Variants in SMAP1 observed in about 807,000 individuals in gnomAD.
SMAP1 encodes small ArfGAP 1, also known as stromal membrane-associated protein 1.
A neutral mutation model predicts 58.5 loss-of-function variants in SMAP1; 24 were observed. The ratio of observed to expected loss-of-function variants is 0.41; its 90% CI spans 0.30 to 0.58. SMAP1 has a LOEUF of 0.58. Ranked by LOEUF, SMAP1 falls within the 20% of genes least tolerant of loss-of-function variation. SMAP1 has a pLI of 0.29. For synonymous variants in SMAP1, 216 were observed against 196.6 expected (o/e 1.10, Z -0.82); for missense variants, 563 against 566.3 (o/e 0.99, Z 0.06).
intron 2 of SMAP1, among the ~76,000 whole-genome samples, chr6:70,736,595 AG>A (rs1371340405): frequency 6.6e-6 from 1 of 152,242 alleles, no homozygotes; most frequent in Non-Finnish European, 1.5e-5. Flanking sequence ...TATTAAGATT[AG>A]TAGATGTCTT....
At chr6:70,765,969 C>A (rs951415869) in intron 3 of SMAP1, among the ~76,000 whole-genome samples, 1 of 147,928 alleles carries the variant, frequency 6.8e-6, no homozygotes, top group African/African-American at 2.5e-5. Flanking sequence ...TTGTTCAATT[C>A]CCACCTATGA....
At chr6:70,837,854 C>T (rs1386017276) in intron 7 of SMAP1, 8 of 1,261,796 alleles carry the variant, frequency 6.3e-6, no homozygotes, top group African/African-American at 3.1e-5. Context: ...TCATGTACTG[C>T]TTTCCAAAAA....
chr6:70,769,374 G>T (rs541230260), intron 3 of SMAP1, among the ~76,000 whole-genome samples: 6 of 152,174 alleles, frequency 3.9e-5, no homozygotes, highest in Non-Finnish European at 8.8e-5. Context: ...CATTATTATT[G>T]TGTGGGAGTC....
chr6:70,810,840 C>T (rs1464368375), intron 6 of SMAP1, among the ~76,000 whole-genome samples: 2 of 152,128 alleles, frequency 1.3e-5, no homozygotes, highest in Non-Finnish European at 2.9e-5. Context: ...GCACCTGGCT[C>T]CCCTTTTTTT....
intron 1 of SMAP1, among the ~76,000 whole-genome samples, chr6:70,673,597 C>T (rs1766355745): frequency 6.6e-6 from 1 of 152,130 alleles, no homozygotes. Context: ...TAAAGTTCAC[C>T]TTGGGGAACT....
intron 1 of SMAP1, among the ~76,000 whole-genome samples, chr6:70,682,165 C>G (rs1766736969): frequency 7.3e-6 from 1 of 136,284 alleles, no homozygotes; most frequent in South Asian, 2.3e-4. Flanking sequence ...TTATTCTCTG[C>G]ACAGATTTTT....
chr6:70,751,471 GTAAA>G (rs1157490812), intron 2 of SMAP1, among the ~76,000 whole-genome samples: 5 of 151,866 alleles, frequency 3.3e-5, no homozygotes, highest in African/African-American at 9.7e-5. Flanking sequence ...AGTTTAATGA[GTAAA>G]TAAATGTCTA....
intron 7 of SMAP1, among the ~76,000 whole-genome samples, chr6:70,839,369 G>A (rs1182170505): frequency 6.6e-6 from 1 of 152,158 alleles, no homozygotes; most frequent in Non-Finnish European, 1.5e-5. Context: ...CACCCTTCTT[G>A]TATCAGTTTC....
chr6:70,787,416 G>C (rs867322962), intron 4 of SMAP1, among the ~76,000 whole-genome samples: 11 of 151,996 alleles, frequency 7.2e-5, no homozygotes, highest in East Asian at 3.9e-4. Flanking sequence ...AAAACACCAA[G>C]AGCAATGGCA....
At position 70,732,417 on chromosome 6, in the gene SMAP1, GC is replaced by G. The variant is rs1216572527; in HGVS notation, c.159del (p.Cys53Ter). 6.2e-7 allele frequency: 1 copy of G among 1,611,788 alleles called. No homozygotes were observed. The highest frequency in any genetic ancestry group is 8.5e-7 in the Non-Finnish European group (1 of 1,178,748). ...TCCTGGAATATTGGTGTGTTTATTT[GC>G]ATCAGATGTGCTGGAATTCATAGAA... is the stretch of plus-strand genomic sequence containing the variant. ...WASWNIGVFI[C>X]IRCAGIHRNL... is the part of the protein sequence containing the mutation. On this transcript the variant is annotated frameshift_variant, in exon 2 of 11. Coordinates refer to ENST00000370455, the MANE Select transcript of SMAP1 (RefSeq NM_001044305.3). LOFTEE classifies it high-confidence loss of function.
chr6:70,769,084 G>C (rs557200666), intron 3 of SMAP1, among the ~76,000 whole-genome samples: 14 of 152,286 alleles, frequency 9.2e-5, no homozygotes, highest in African/African-American at 2.2e-4. Flanking sequence ...TTAATCCTGA[G>C]TTCTAGTTTG....
At chr6:70,787,201 C>G (rs763260907) in intron 4 of SMAP1, among the ~76,000 whole-genome samples, 5 of 152,048 alleles carry the variant, frequency 3.3e-5, no homozygotes, top group African/African-American at 4.8e-5. Context: ...AATGGGGAAA[C>G]GATTCCCTTT....
chr6:70,680,579 C>T (rs193195538), intron 1 of SMAP1, among the ~76,000 whole-genome samples: 1 of 152,070 alleles, frequency 6.6e-6, no homozygotes, highest in Admixed American at 6.5e-5. Context: ...GAAAATAGTG[C>T]GTCCGTACAG....
intron 2 of SMAP1, among the ~76,000 whole-genome samples, chr6:70,751,655 T>G (rs1365015217): frequency 6.6e-6 from 1 of 152,154 alleles, no homozygotes; most frequent in Non-Finnish European, 1.5e-5. Context: ...ACTAAGATCT[T>G]TGAATTTTTA....
At chr6:70,752,257 C>G (rs1015631009) in intron 2 of SMAP1, among the ~76,000 whole-genome samples, 1 of 152,150 alleles carries the variant, frequency 6.6e-6, no homozygotes, top group African/African-American at 2.4e-5. Flanking sequence ...AACCAGGCCT[C>G]TAAAACTAAG....
intron 1 of SMAP1, among the ~76,000 whole-genome samples, chr6:70,679,745 A>C (rs1165454157): frequency 1.3e-5 from 2 of 152,212 alleles, no homozygotes; most frequent in African/African-American, 4.8e-5. Flanking sequence ...AAGTGGAGAG[A>C]GGTATCAGAG....
At chr6:70,835,443 A>G (rs1051490880) in intron 6 of SMAP1, among the ~76,000 whole-genome samples, 2 of 152,138 alleles carry the variant, frequency 1.3e-5, no homozygotes, top group Non-Finnish European at 2.9e-5. Flanking sequence ...TTCTTCAGGT[A>G]GTTGTAGAAG....
intron 1 of SMAP1, among the ~76,000 whole-genome samples, chr6:70,711,331 T>A (rs1451098757): frequency 6.6e-6 from 1 of 152,196 alleles, no homozygotes; most frequent in East Asian, 1.9e-4. Context: ...TTTATTTCCA[T>A]AATAATCTCA....
intron 2 of SMAP1, among the ~76,000 whole-genome samples, chr6:70,751,308 A>G (rs1273899575): frequency 6.6e-6 from 1 of 152,150 alleles, no homozygotes; most frequent in African/African-American, 2.4e-5. Context: ...TTATTCCTCA[A>G]TATGTTAATA....
Sources: allele counts gnomAD v4.1 joint callset (sites outside exome capture counted in the v4.1 genomes callset), GRCh38; gene constraint gnomAD v4.1.1; transcripts MANE v1.5; gene names NCBI Gene and HGNC (gene_info 2026-07-23, HGNC 2026-07-21).